Variants in ATXN3 observed in about 807,000 individuals in gnomAD.
ATXN3 encodes the protein ataxin-3.
A neutral mutation model predicts 58.2 loss-of-function variants in ATXN3; 28 were observed. The ratio of observed to expected loss-of-function variants is 0.48; its 90% CI spans 0.36 to 0.66. The LOEUF (loss-of-function observed/expected upper bound fraction) is 0.66. Among genes scored for constraint, ATXN3 ranks in the 30% least tolerant of loss-of-function variants. ATXN3 has a pLI of 0.00. For missense variants in ATXN3, 321 were observed against 422.1 expected, an observed-to-expected ratio of 0.76 and a Z score of 2.10; for synonymous variants, 113 against 138.5, an observed-to-expected ratio of 0.82 and a Z score of 1.29.
rs1407416880 is a variant in ATXN3, at chr14:92,096,137, G to C, written c.190C>G (p.Gln64Glu). 7.4e-7 allele frequency: 1 copy of C among 1,344,966 alleles called. No individual in the cohort carries two copies. The highest frequency in any genetic ancestry group is 1.0e-6 in the Non-Finnish European group (1 of 982,508). 83.3% of individuals were successfully genotyped at this position (1,344,966 alleles called of 1,614,324 possible). The change falls in exon 3 of 11, where the codon CAG becomes GAG. Residue 64 changes from glutamine to glutamate, a missense_variant and splice_region_variant. Transcript: ENST00000644486. ...TSEDYRTFLQ[Q>E]PSGNMDDSGF... ...CTGTCATCCATATTTCCAGAAGGCT[G>C]CTGTTAATTTTGACAGGTAGTTGAA...
chr14:92,088,589 C>A, intron 6 of ATXN3, 141 bp downstream of exon 6: 1 of 681,926 alleles, frequency 1.5e-6, no homozygotes. Flanking sequence ...TCACCCAAAT[C>A]ACAGCCTATC....
downstream of ATXN3, among the ~76,000 whole-genome samples, chr14:92,055,026 C>T (rs143487901): frequency 3.0e-4 from 45 of 152,258 alleles, no homozygotes; most frequent in Middle Eastern, 6.8e-3. This position sits in a 1 kb window ranked among gnomAD's most constrained non-coding sequence, Gnocchi z 4.5. Context: ...GGATTACAGG[C>T]GTACGCCACC....
rs1555392594 is a variant in ATXN3 at position 92,060,270 on chromosome 14, A to ATACACACATATATATATATATATATATTT, written c.*4049_*4050insAAATATATATATATATATATATGTGTGTA. ...CACACATATATATATATATATATAT[A>ATACACACATATATATATATATATATATTT]TTTTTTTTTTTCAGAAACAGTGTCT... On this transcript the variant is annotated 3_prime_UTR_variant, in exon 11 of 11. Transcript: ENST00000644486. 8.5e-6 allele frequency: 1 copy of ATACACACATATATATATATATATATATTT among 117,422 alleles called. No individual in the cohort carries two copies. Among genetic ancestry groups the ATACACACATATATATATATATATATATTT allele is most frequent in the African/African-American group, 3.5e-5 (1 of 28,296 alleles). The allele number at this position is 117,422 out of a possible 1,614,324, so 7.3% of individuals were successfully genotyped here.
In ATXN3 at chr14:92,059,123, A is replaced by G. The variant is rs909954199; in HGVS notation, c.*5197T>C. 2.6e-5 allele frequency: 4 copies of G among 152,162 alleles called. No homozygotes were observed. Among genetic ancestry groups the G allele is most frequent in the African/African-American group, 9.6e-5 (4 of 41,458 alleles). 9.4% of individuals were successfully genotyped at this position (152,162 alleles called of 1,614,324 possible). On this transcript the variant is annotated 3_prime_UTR_variant, in exon 11 of 11. Transcript: ENST00000644486. ...TTTTGATATGCTATTAAACATGCCA[A>G]TTACGACAAATTTAGAAGTTACGTT...
At chr14:92,091,966 G>C (rs1288327637) in intron 5 of ATXN3, among the ~76,000 whole-genome samples, 2 of 151,924 alleles carry the variant, frequency 1.3e-5, no homozygotes, top group Non-Finnish European at 2.9e-5. Context: ...AAAGTGCTGG[G>C]ATTACAGGCA....
At chr14:92,066,601 G>GTTT (rs66941473) in intron 10 of ATXN3, among the ~76,000 whole-genome samples, 77 of 107,010 alleles carry the variant, frequency 7.2e-4, no homozygotes, top group East Asian at 1.1e-3. Context: ...TTTTTTTCTT[G>GTTT]TTTTTTTTTT....
intron 4 of ATXN3, 158 bp downstream of exon 4, chr14:92,093,588 C>T (rs1455422130): frequency 5.9e-6 from 4 of 681,826 alleles, no homozygotes; most frequent in Non-Finnish European, 1.0e-5. Context: ...GGCAGATGCT[C>T]ATGGACATCA....
chr14:92,045,310 G>C (rs2057421944), intron 2 of ATXN3, among the ~76,000 whole-genome samples: 1 of 152,134 alleles, frequency 6.6e-6, no homozygotes. Context: ...AACTGCTTGG[G>C]TGATTTGACT....
At chr14:92,095,369 G>A (rs1462455166) in intron 3 of ATXN3, among the ~76,000 whole-genome samples, 5 of 151,804 alleles carry the variant, frequency 3.3e-5, no homozygotes, top group African/African-American at 9.7e-5. Context: ...TCAGCCTCCC[G>A]AGTAGCTGGG....
intron 6 of ATXN3, among the ~76,000 whole-genome samples, chr14:92,084,233 ATACACT>A (rs2061970139): frequency 6.6e-6 from 1 of 152,190 alleles, no homozygotes; most frequent in South Asian, 2.1e-4. Flanking sequence ...GAGAACCCTA[ATACACT>A]TACTCACAGG....
intron 1 of ATXN3, among the ~76,000 whole-genome samples, chr14:92,101,401 T>C (rs1213982171): frequency 6.6e-6 from 1 of 152,148 alleles, no homozygotes; most frequent in Non-Finnish European, 1.5e-5. Flanking sequence ...ACGGATCAAA[T>C]TCCACATGGA....
intron 1 of ATXN3, among the ~76,000 whole-genome samples, chr14:92,098,556 C>T (rs1049609619): frequency 9.9e-5 from 15 of 152,172 alleles, no homozygotes; most frequent in African/African-American, 3.6e-4. Context: ...CACTGCCACT[C>T]CAGTCTGGGT....
At chr14:92,099,268 T>C (rs1290822568) in intron 1 of ATXN3, among the ~76,000 whole-genome samples, 1 of 152,214 alleles carries the variant, frequency 6.6e-6, no homozygotes, top group Non-Finnish European at 1.5e-5. Flanking sequence ...CGGATATTTT[T>C]CCTGATGAAT....
At chr14:92,066,149 T>A (rs1053020315) in intron 10 of ATXN3, among the ~76,000 whole-genome samples, 4 of 152,122 alleles carry the variant, frequency 2.6e-5, no homozygotes, top group Non-Finnish European at 5.9e-5. Flanking sequence ...GTATAGATGC[T>A]ATGTCATATG....
chr14:92,096,566 G>C lies in ATXN3; in HGVS notation c.189+108C>G, dbSNP rs151320956. The C allele has an allele frequency of 3.7e-3, 4,325 of 1,158,350 alleles. 18 individuals carry two copies. The highest frequency in any genetic ancestry group is 0.01 in the Middle Eastern group (36 of 3,434). 71.8% of individuals were successfully genotyped at this position (1,158,350 alleles called of 1,614,324 possible). ...TTGAACCCGGGAGGCAGAGGTTGCA[G>C]TGAGCCGAGATCGCGCCATTGCACT... On this transcript the variant is annotated intron_variant, in intron 2 of 10. Transcript: ENST00000644486.
chr14:92,097,800 C>A (rs1170526098), intron 1 of ATXN3, among the ~76,000 whole-genome samples: 1 of 152,134 alleles, frequency 6.6e-6, no homozygotes, highest in Non-Finnish European at 1.5e-5. Context: ...TCTGGGATTA[C>A]AGGCAAGAGC....
At chr14:92,064,439 C>T (rs1369273226) in intron 10 of ATXN3, 25 bp from the exon 11 acceptor site, 1 of 1,538,540 alleles carries the variant, frequency 6.5e-7, no homozygotes. Flanking sequence ...AACCACATTT[C>T]TTTAAAATTT....
chr14:92,056,411 A>G (rs2057465297), downstream of ATXN3, among the ~76,000 whole-genome samples: 1 of 152,246 alleles, frequency 6.6e-6, no homozygotes, highest in South Asian at 2.1e-4. Flanking sequence ...TGCATATATC[A>G]TACAATGGAA....
intron 1 of ATXN3, among the ~76,000 whole-genome samples, chr14:92,106,137 G>A (rs1178474696): frequency 3.9e-5 from 6 of 152,172 alleles, no homozygotes; most frequent in Non-Finnish European, 7.4e-5. Flanking sequence ...GAGGGGTTGA[G>A]GGAGGTGTCC....
Sources: allele counts gnomAD v4.1 joint callset (sites outside exome capture counted in the v4.1 genomes callset), GRCh38; gene constraint gnomAD v4.1.1; non-coding constraint Gnocchi (gnomAD v3.1); transcripts MANE v1.5; gene names NCBI Gene and HGNC (gene_info 2026-07-23, HGNC 2026-07-21).